MPP4: variants seen among roughly 807,000 people sequenced by gnomAD.
MPP4 encodes MAGUK p55 scaffold protein 4.
A neutral mutation model predicts 98.3 loss-of-function variants in MPP4; 91 were observed. That is an observed-to-expected ratio of 0.93 (90% CI 0.78 to 1.10). The LOEUF (loss-of-function observed/expected upper bound fraction) is 1.10, where lower values mean the gene tolerates loss of function less well. Ranked by LOEUF, MPP4 falls within the 50% of genes least tolerant of loss-of-function variation. MPP4 has a pLI of 0.00. For missense variants in MPP4, 744 were observed against 792.9 expected, an observed-to-expected ratio of 0.94 and a Z score of 0.74; for synonymous variants, 261 against 271.8, an observed-to-expected ratio of 0.96 and a Z score of 0.39.
chr2:201,647,767 G>C lies in MPP4; in HGVS notation c.1643C>G (p.Ser548Trp). The stretch of plus-strand genomic sequence containing the variant: ...AGATTGTTTCATACACCTCATATTC[G>C]ATGGCTTTATAAATATGACATAGGG... ...LKPYVIFIKP[S>W]NMRCMKQSRK... The change falls in exon 21 of 22, where the codon TCG (serine) becomes TGG (tryptophan). Residue 548 changes from serine (S) to tryptophan (W), a missense_variant. Coordinates refer to ENST00000409474, the MANE Select transcript of MPP4 (RefSeq NM_033066.3). 1 of 1,613,714 alleles carries C rather than the reference G, an allele frequency of 6.2e-7. No homozygotes were observed. Among genetic ancestry groups the C allele is most frequent in the South Asian group, 1.1e-5 (1 of 91,066 alleles).
intron 18 of MPP4, 61 bp from the exon 19 acceptor site, chr2:201,650,226 C>T: frequency 6.6e-7 from 1 of 1,512,414 alleles, no homozygotes; most frequent in Admixed American, 2.4e-5. Context: ...TACCAATATG[C>T]ATTTGAATAA....
rs759068280 is a variant in MPP4 at position 201,690,206 on chromosome 2, T to C, written c.275A>G (p.Tyr92Cys). ...TGTGGAATAAAATCTCCTTACCTCA[T>C]AGGATAACACCTGTGCATGTGGTGT... ...PATPHAQVLSYEVVELLRETP... is the reference protein window; with the variant it reads ...PATPHAQVLSCEVVELLRETP... Residue 92 changes from tyrosine (Y) to cysteine (C), a missense_variant, in exon 4 of 22, where the codon TAT becomes TGT. Physicochemically the swap from Tyr to Cys is radical, Grantham distance 194 (BLOSUM62 -2). Coordinates refer to ENST00000409474, the MANE Select transcript of MPP4 (RefSeq NM_033066.3). 15 of 1,605,262 alleles carry C rather than the reference T, an allele frequency of 9.3e-6. No individual in the cohort carries two copies. In the Admixed American group the frequency reaches 1.5e-4, roughly 16 times the overall value.
At chr2:201,686,394 C>T (rs895664653) in intron 5 of MPP4, among the ~76,000 whole-genome samples, 4 of 152,092 alleles carry the variant, frequency 2.6e-5, no homozygotes, top group African/African-American at 9.7e-5. Flanking sequence ...GTTTGAACTA[C>T]AAAACAACTT....
At chr2:201,690,348 C>G in intron 3 of MPP4, 69 bp from the exon 4 acceptor site, 1 of 1,087,738 alleles carries the variant, frequency 9.2e-7, no homozygotes, top group Non-Finnish European at 1.4e-6. Context: ...ATTTAAGACT[C>G]TCAAAGAGAA....
At position 201,647,783 on chromosome 2, in the gene MPP4, T is replaced by C. The variant is rs372356712; in HGVS notation, c.1627A>G (p.Ile543Val). The C allele has an allele frequency of 1.9e-6, 3 of 1,613,952 alleles. No homozygotes were observed. The highest frequency in any genetic ancestry group is 1.7e-6 in the Non-Finnish European group (2 of 1,179,836). Residue 543 changes from isoleucine to valine, a missense_variant, in exon 21 of 22, where the codon ATA becomes GTA. Coordinates refer to ENST00000409474, the MANE Select transcript of MPP4 (RefSeq NM_033066.3). Reference sequence around the variant, plus strand: ...CTCATATTCGATGGCTTTATAAATATGACATAGGGCTTCAGTTCATGGGTT... The same window carrying C: ...CTCATATTCGATGGCTTTATAAATACGACATAGGGCTTCAGTTCATGGGTT... ...VRTHELKPYV[I>V]FIKPSNMRCM...
chr2:201,663,546 T>C (rs1485283788), intron 14 of MPP4, among the ~76,000 whole-genome samples: 1 of 152,194 alleles, frequency 6.6e-6, no homozygotes, highest in East Asian at 1.9e-4. Context: ...TGAGACCCTG[T>C]ATCTACAAAA....
At chr2:201,695,600 GGGAACA>G (rs1258841439) in intron 1 of MPP4, among the ~76,000 whole-genome samples, 15 of 152,152 alleles carry the variant, frequency 9.9e-5, no homozygotes, top group Non-Finnish European at 1.9e-4. Flanking sequence ...AATCCCACGG[GGGAACA>G]GGGGCCAAGG....
chr2:201,651,112 C>CT, intron 18 of MPP4: 1 of 985,344 alleles, frequency 1.0e-6, no homozygotes, highest in Non-Finnish European at 1.2e-6. Context: ...ATTAGTTCCC[C>CT]TTATTCATAC....
chr2:201,693,988 A>C lies in MPP4; in HGVS notation c.-34T>G. On this transcript the variant is annotated 5_prime_UTR_variant, in exon 2 of 22. Transcript: ENST00000409474. ...CCGGAGCTTCTGAAAGGAATTCAGG[A>C]CTAGGAAGCGGGTCAATACACGGCA... 1 of 1,613,812 alleles carries C rather than the reference A, an allele frequency of 6.2e-7. No homozygotes were observed. The highest frequency in any genetic ancestry group is 1.1e-5 in the South Asian group (1 of 91,076).
At chr2:201,664,341 A>G in intron 13 of MPP4, 1 of 1,406,386 alleles carries the variant, frequency 7.1e-7, no homozygotes, top group Non-Finnish European at 9.5e-7. Flanking sequence ...CAGGAGCTCA[A>G]AATAAATAAA....
At chr2:201,685,228 TCTTTC>T in intron 6 of MPP4, 83 bp from the exon 7 acceptor site, 1 of 223,040 alleles carries the variant, frequency 4.5e-6, no homozygotes, top group Non-Finnish European at 6.3e-6. Context: ...GCAGCTCTGG[TCTTTC>T]AATCAATGCA....
chr2:201,650,243 C>A, intron 18 of MPP4, 78 bp from the exon 19 acceptor site: 2 of 1,486,426 alleles, frequency 1.3e-6, no homozygotes, highest in Non-Finnish European at 1.8e-6. Flanking sequence ...ATAAAGATAT[C>A]TAATCAAAAT....
intron 3 of MPP4, among the ~76,000 whole-genome samples, chr2:201,692,107 G>A (rs1404606577): frequency 6.6e-6 from 1 of 152,224 alleles, no homozygotes; most frequent in African/African-American, 2.4e-5. Flanking sequence ...AAGCGAAGAA[G>A]TTTGTGTAGC....
chr2:201,693,717 CT>C (rs1689102504), intron 2 of MPP4, among the ~76,000 whole-genome samples, 158 bp downstream of exon 2: 1 of 152,140 alleles, frequency 6.6e-6, no homozygotes, highest in Non-Finnish European at 1.5e-5. Context: ...GAAATTTGTT[CT>C]TAAAGTTATC....
chr2:201,693,429 TAA>T (rs1345112277), intron 2 of MPP4, among the ~76,000 whole-genome samples: 1 of 152,126 alleles, frequency 6.6e-6, no homozygotes, highest in African/African-American at 2.4e-5. Flanking sequence ...AACTCAAACA[TAA>T]GAGTCATTTC....
chr2:201,698,019 T>C lies in MPP4; in HGVS notation c.-101+568A>G, dbSNP rs1333450553. On this transcript the variant is annotated intron_variant, in intron 1 of 21. Transcript: ENST00000409474. The stretch of plus-strand genomic sequence containing the variant: ...GAGAGTGAGAATTCTTGATTGAGAC[T>C]GCAAATAAGTAAGCACCCACCACAT... The C allele has an allele frequency of 5.1e-6, 5 of 985,368 alleles. No individual in the cohort carries two copies. In the African/African-American group the frequency reaches 7.0e-5, roughly 14 times the overall value. 61.0% of individuals were successfully genotyped at this position (985,368 alleles called of 1,614,324 possible).
chr2:201,681,401 C>G, intron 9 of MPP4, 95 bp downstream of exon 9: 1 of 1,083,312 alleles, frequency 9.2e-7, no homozygotes, highest in Non-Finnish European at 1.4e-6. Context: ...CCAGGTCCAA[C>G]ACAGTACAAA....
At chr2:201,645,606 AT>A (rs1368437652) in intron 21 of MPP4, among the ~76,000 whole-genome samples, 4 of 152,088 alleles carry the variant, frequency 2.6e-5, no homozygotes, top group Non-Finnish European at 4.4e-5. Flanking sequence ...GAAAATAGTA[AT>A]TTTTTTGCCC....
intron 14 of MPP4, among the ~76,000 whole-genome samples, chr2:201,663,762 G>T (rs1270608966): frequency 1.3e-5 from 2 of 152,154 alleles, no homozygotes; most frequent in Non-Finnish European, 2.9e-5. Flanking sequence ...TATGCCTGTA[G>T]TTCCAGCTGT....
Sources: gnomAD v4.1 joint callset for allele counts (sites outside exome capture counted in the v4.1 genomes callset) on GRCh38, gnomAD v4.1.1 for gene constraint, MANE v1.5 for transcripts, NCBI Gene and HGNC (gene_info 2026-07-23, HGNC 2026-07-21) for gene names.